SLC10A7: variants seen among roughly 807,000 people sequenced by gnomAD.
The protein encoded by SLC10A7 is sodium/bile acid cotransporter 7.
Under a neutral mutation model 43.2 loss-of-function variants are expected in SLC10A7, and 29 were observed. The observed-to-expected ratio is 0.67, with a 90% CI of 0.50 to 0.92. The LOEUF (loss-of-function observed/expected upper bound fraction) is 0.92. Among genes scored for constraint, SLC10A7 ranks in the 40% least tolerant of loss-of-function variants. SLC10A7 has a pLI of 0.00. For missense variants in SLC10A7, 295 were observed against 403.2 expected, an observed-to-expected ratio of 0.73 and a Z score of 2.30; for synonymous variants, 152 against 144.8, an observed-to-expected ratio of 1.05 and a Z score of -0.35.
intron 5 of SLC10A7, among the ~76,000 whole-genome samples, chr4:146,355,113 G>T (rs1735472314): frequency 6.9e-6 from 1 of 145,594 alleles, no homozygotes; most frequent in African/African-American, 2.6e-5. Flanking sequence ...CCTACAACAT[G>T]GGAGAAAATT....
chr4:146,438,183 A>G (rs1730341165), intron 5 of SLC10A7, among the ~76,000 whole-genome samples: 1 of 152,058 alleles, frequency 6.6e-6, no homozygotes, highest in Non-Finnish European at 1.5e-5. Flanking sequence ...CAAAGCAGAG[A>G]GAAGACAGAA....
chr4:146,394,424 A>G (rs1057497151), intron 5 of SLC10A7, among the ~76,000 whole-genome samples: 3 of 152,146 alleles, frequency 2.0e-5, no homozygotes, highest in East Asian at 3.9e-4. Context: ...CAGTGGCGCA[A>G]TCTTGGCTCA....
chr4:146,309,088 T>G (rs937359002), intron 6 of SLC10A7, among the ~76,000 whole-genome samples: 27 of 152,088 alleles, frequency 1.8e-4, no homozygotes, highest in African/African-American at 5.8e-4. Flanking sequence ...CTCTAGAATG[T>G]TGTTTTCCCC....
intron 4 of SLC10A7, chr4:146,477,730 G>A (rs1314108995): frequency 6.6e-6 from 1 of 152,142 alleles, no homozygotes; most frequent in African/African-American, 2.4e-5. Context: ...AGGAAGCTGT[G>A]ATCTAAAAAT....
chr4:146,350,451 G>A (rs1216579720), intron 5 of SLC10A7, among the ~76,000 whole-genome samples: 2 of 141,032 alleles, frequency 1.4e-5, no homozygotes, highest in Non-Finnish European at 3.1e-5. Context: ...AGCGAGGCTG[G>A]GGGAGGGGCG....
chr4:146,431,777 A>G (rs1254317804), intron 5 of SLC10A7, among the ~76,000 whole-genome samples: 1 of 152,156 alleles, frequency 6.6e-6, no homozygotes, highest in African/African-American at 2.4e-5. Context: ...ATAAAAGAAA[A>G]AAAAAGACAA....
At chr4:146,497,287 A>G (rs190101843) in intron 4 of SLC10A7, among the ~76,000 whole-genome samples, 12 of 152,286 alleles carry the variant, frequency 7.9e-5, no homozygotes, top group Admixed American at 1.3e-4. Flanking sequence ...AAAAGTGCCT[A>G]TTTTCATGGT....
At chr4:146,468,013 A>G (rs1733207143) in intron 4 of SLC10A7, among the ~76,000 whole-genome samples, 1 of 152,156 alleles carries the variant, frequency 6.6e-6, no homozygotes, top group Admixed American at 6.5e-5. Flanking sequence ...TGTATAATTT[A>G]CCATGTGAAA....
intron 2 of SLC10A7, chr4:146,515,278 G>C (rs1431315116): frequency 1.5e-6 from 1 of 648,196 alleles, no homozygotes; most frequent in African/African-American, 1.8e-5. Context: ...TTAGAAAGCA[G>C]TTCCATAAAG....
In SLC10A7 at chr4:146,289,706, GTTTTTTTTTTTT is replaced by G. The variant is rs776153195; in HGVS notation, c.773+3211_773+3222del. On this transcript the variant is annotated intron_variant, in intron 9 of 11. Coordinates refer to ENST00000335472, the MANE Select transcript of SLC10A7 (RefSeq NM_001029998.6). ...GCTAATGCCCCATCTCTGATTATTA[GTTTTTTTTTTTT>G]TTTTTTTTTTTTTTTGAGATGGAGT... Among the ~76,000 whole-genome samples, 133 of 88,094 alleles carry G rather than the reference GTTTTTTTTTTTT, an allele frequency of 1.5e-3. 1 individual carries two copies. The highest frequency in any genetic ancestry group is 5.3e-3 in the African/African-American group (113 of 21,492). The allele number at this position is 88,094 out of a possible 152,430, so 57.8% of individuals were successfully genotyped here. A position where few individuals can be genotyped will look rare whatever the true frequency, so the allele number is the denominator to read the frequency against.
At chr4:146,429,008 T>C (rs1449396074) in intron 5 of SLC10A7, among the ~76,000 whole-genome samples, 2 of 152,142 alleles carry the variant, frequency 1.3e-5, no homozygotes, top group African/African-American at 4.8e-5. Context: ...CCTAATCTAC[T>C]TCACAGGATT....
rs1415513352 is a variant in SLC10A7, at chr4:146,354,732, C to T, written c.436-28736G>A. ...AGAACAGAGCCCTCAGAAATAATGC[C>T]GCATATCTACAACTATCTGATCTTT... On this transcript the variant is annotated intron_variant, in intron 5 of 11. Coordinates refer to ENST00000335472, the MANE Select transcript of SLC10A7 (RefSeq NM_001029998.6). Among the ~76,000 whole-genome samples, 15 of 149,274 alleles carry T rather than the reference C, an allele frequency of 1.0e-4. No individual in the cohort carries two copies. In the South Asian group the frequency reaches 3.2e-3, roughly 32 times the overall value.
rs560914941 is a variant in SLC10A7, at chr4:146,332,886, T to C, written c.436-6890A>G. ...GGTGTGCTGATGATATTTCTGGATA[T>C]GTAAAGATATGGACCTATTCCTGGA... On this transcript the variant is annotated intron_variant, in intron 5 of 11. Transcript: ENST00000335472. 3.3e-5 allele frequency among the ~76,000 whole-genome samples: 5 copies of C among 152,288 alleles called. 1 individual carries two copies. The East Asian group carries it at 9.6e-4, about 29-fold the overall frequency.
chr4:146,371,994 A>G (rs1736815398), intron 5 of SLC10A7, among the ~76,000 whole-genome samples: 1 of 152,122 alleles, frequency 6.6e-6, no homozygotes, highest in South Asian at 2.1e-4. Context: ...TTTATGTCAA[A>G]TGGGTGAATG....
intron 2 of SLC10A7, among the ~76,000 whole-genome samples, chr4:146,511,412 G>A (rs1737449953): frequency 6.6e-6 from 1 of 152,210 alleles, no homozygotes; most frequent in Non-Finnish European, 1.5e-5. Flanking sequence ...GAGAGTTACT[G>A]GTTGTAAGTA....
intron 4 of SLC10A7, among the ~76,000 whole-genome samples, chr4:146,477,600 A>C (rs1236963806): frequency 2.0e-5 from 3 of 152,218 alleles, no homozygotes; most frequent in African/African-American, 7.2e-5. Flanking sequence ...CAGGTAAAGG[A>C]TAACAAGAAT....
At chr4:146,486,552 T>C (rs985027819) in intron 4 of SLC10A7, among the ~76,000 whole-genome samples, 15 of 152,240 alleles carry the variant, frequency 9.9e-5, no homozygotes, top group Non-Finnish European at 2.9e-5. Flanking sequence ...AAAACATATG[T>C]GCATGGTGTC....
At chr4:146,419,012 G>A (rs1339050326) in intron 5 of SLC10A7, among the ~76,000 whole-genome samples, 1 of 152,226 alleles carries the variant, frequency 6.6e-6, no homozygotes. Flanking sequence ...GAGCCAGATG[G>A]AAGATATGCA....
chr4:146,270,305 C>A (rs1728815587), intron 10 of SLC10A7, among the ~76,000 whole-genome samples: 1 of 152,324 alleles, frequency 6.6e-6, no homozygotes, highest in Admixed American at 6.5e-5. Flanking sequence ...CTATTCTCCT[C>A]TGTTTTCTCT....
Sources: gnomAD v4.1 joint callset for allele counts (sites outside exome capture counted in the v4.1 genomes callset) on GRCh38, gnomAD v4.1.1 for gene constraint, MANE v1.5 for transcripts, NCBI Gene and HGNC (gene_info 2026-07-23, HGNC 2026-07-21) for gene names.